The following PKIA variants were observed in gnomAD, a reference collection of about 807,000 sequenced individuals.
The protein encoded by PKIA is cAMP-dependent protein kinase inhibitor alpha.
Under a neutral mutation model 7.6 loss-of-function variants are expected in PKIA, and 4 were observed. The observed-to-expected ratio is 0.52, with a 90% confidence interval of 0.26 to 1.20. PKIA has a LOEUF of 1.20. Ranked by LOEUF, PKIA falls within the 50% of genes most tolerant of loss-of-function variation. The probability of loss-of-function intolerance (pLI) is 0.13; values close to 1 mark genes in which losing one functional copy is unlikely to be tolerated. For synonymous variants in PKIA, 21 were observed against 30.7 expected, an observed-to-expected ratio of 0.68 and a Z score of 1.04; for missense variants, 73 against 86.2, an observed-to-expected ratio of 0.85 and a Z score of 0.61.
chr8:78,529,738 C>A (rs1806348259), intron 1 of PKIA, among the ~76,000 whole-genome samples: 1 of 151,818 alleles, frequency 6.6e-6, no homozygotes, highest in Non-Finnish European at 1.5e-5. Context: ...TAGAAAATAA[C>A]ATATAATTTT....
At chr8:78,571,763 G>T (rs1486812278) in intron 1 of PKIA, among the ~76,000 whole-genome samples, 1 of 152,048 alleles carries the variant, frequency 6.6e-6, no homozygotes, top group East Asian at 1.9e-4. Context: ...CTCTGCTTCT[G>T]AGGGAAATCA....
At chr8:78,564,268 A>T (rs951293568) in intron 1 of PKIA, among the ~76,000 whole-genome samples, 1 of 152,012 alleles carries the variant, frequency 6.6e-6, no homozygotes, top group Non-Finnish European at 1.5e-5. Flanking sequence ...TTGGAAGCCC[A>T]TTTGTGGTTG....
At chr8:78,542,857 G>T (rs913531867) in intron 1 of PKIA, among the ~76,000 whole-genome samples, 2 of 151,976 alleles carry the variant, frequency 1.3e-5, no homozygotes, top group African/African-American at 4.8e-5. Context: ...TCTCCTTCCT[G>T]TCTCGTATCC....
rs1344162887 is a variant in PKIA at position 78,563,513 on chromosome 8, A to G, written c.-156-9298A>G. On this transcript the variant is annotated intron_variant, in intron 1 of 3. Coordinates refer to ENST00000396418, the MANE Select transcript of PKIA (RefSeq NM_006823.4). The stretch of plus-strand genomic sequence containing the variant: ...TACCAAGGTAGAAGATTATGAGGGT[A>G]TAAAAGCATAACAGTATTTTTGTCT... Among the ~76,000 whole-genome samples, 3 of 152,290 alleles carry G rather than the reference A, an allele frequency of 2.0e-5. No homozygotes were observed. In the East Asian group the frequency reaches 5.8e-4, roughly 29 times the overall value.
chr8:78,571,913 T>C (rs572229262), intron 1 of PKIA, among the ~76,000 whole-genome samples: 1 of 151,994 alleles, frequency 6.6e-6, no homozygotes, highest in Non-Finnish European at 1.5e-5. Context: ...TAGAAAAGAG[T>C]ATGACATTAA....
Position 78,524,000 on chromosome 8 carries a change from T to TTATATATATAAA in PKIA, c.-157+7540_-157+7541insTAAATATATATA, listed in dbSNP as rs371965418. 2.3e-4 allele frequency among the ~76,000 whole-genome samples: 21 copies of TTATATATATAAA among 92,166 alleles called. 3 individuals carry two copies. Among genetic ancestry groups the TTATATATATAAA allele is most frequent in the African/African-American group, 1.1e-3 (20 of 18,408 alleles). The allele number at this position is 92,166 out of a possible 152,430, so 60.5% of individuals were successfully genotyped here. ...TATATTTATAAATATATATAAACATTTATATATAAATATATATAAACGTTT... is the reference window on the plus strand; with the variant it reads ...TATATTTATAAATATATATAAACATTTATATATATAAATATATATAAATATATATAAACGTTT... On this transcript the variant is annotated intron_variant, in intron 1 of 3. Transcript: ENST00000396418.
At chr8:78,549,589 A>AT (rs1415273221) in intron 1 of PKIA, among the ~76,000 whole-genome samples, 1 of 151,962 alleles carries the variant, frequency 6.6e-6, no homozygotes, top group Non-Finnish European at 1.5e-5. Flanking sequence ...AAGACTGCCC[A>AT]TGAAGCCAAG....
At chr8:78,524,157 T>A in intron 1 of PKIA, among the ~76,000 whole-genome samples, 1 of 135,968 alleles carries the variant, frequency 7.4e-6, no homozygotes, top group East Asian at 2.0e-4. Flanking sequence ...TATTTATATA[T>A]AAATATATGT....
intron 1 of PKIA, among the ~76,000 whole-genome samples, chr8:78,521,512 GA>G (rs111297307): frequency 2.0e-5 from 3 of 147,486 alleles, no homozygotes; most frequent in East Asian, 2.0e-4. Flanking sequence ...CATTAGTCTG[GA>G]AAAAAAAACA....
intron 2 of PKIA, 127 bp downstream of exon 2, chr8:78,573,066 T>C (rs1807591167): frequency 6.6e-6 from 1 of 152,036 alleles, no homozygotes. Context: ...ACAATCCCCT[T>C]GGAGGTTGTG....
chr8:78,523,767 T>C (rs931114839), intron 1 of PKIA, among the ~76,000 whole-genome samples: 8 of 151,102 alleles, frequency 5.3e-5, no homozygotes, highest in African/African-American at 1.9e-4. Context: ...CTAGAAATAA[T>C]CTGTCAAAAT....
At chr8:78,534,733 T>C (rs895604424) in intron 1 of PKIA, 1 of 152,164 alleles carries the variant, frequency 6.6e-6, no homozygotes, top group African/African-American at 2.4e-5. Flanking sequence ...GGGAGTTAAG[T>C]AGCATTTGTA....
intron 1 of PKIA, among the ~76,000 whole-genome samples, chr8:78,519,869 C>T (rs190286838): frequency 1.3e-5 from 2 of 152,246 alleles, no homozygotes; most frequent in African/African-American, 2.4e-5. Context: ...TCTTACATGT[C>T]GAAACCTTGT....
chr8:78,528,773 C>G (rs1806314264), intron 1 of PKIA, among the ~76,000 whole-genome samples: 1 of 151,388 alleles, frequency 6.6e-6, no homozygotes, highest in African/African-American at 2.4e-5. Context: ...TAGAGAACAG[C>G]TGGTACTGTA....
At chr8:78,520,871 C>T (rs1809403230) in intron 1 of PKIA, among the ~76,000 whole-genome samples, 1 of 152,072 alleles carries the variant, frequency 6.6e-6, no homozygotes, top group Non-Finnish European at 1.5e-5. Context: ...TATGTGTGTC[C>T]TTTATTAGCC....
intron 2 of PKIA, among the ~76,000 whole-genome samples, chr8:78,597,441 A>T (rs1808251510): frequency 6.6e-6 from 1 of 152,162 alleles, no homozygotes; most frequent in African/African-American, 2.4e-5. Flanking sequence ...CTATTTGATC[A>T]CTGAAAATAT....
rs1809312465 is a variant in PKIA at position 78,516,367 on chromosome 8, G to GGGCGCGGGCC, written c.-251_-242dup. 1 of 152,550 alleles carries GGGCGCGGGCC rather than the reference G, an allele frequency of 6.6e-6. No individual in the cohort carries two copies. The highest frequency in any genetic ancestry group is 1.5e-5 in the Non-Finnish European group (1 of 68,374). The allele number at this position is 152,550 out of a possible 1,614,324, so 9.4% of individuals were successfully genotyped here. A position where few individuals can be genotyped will look rare whatever the true frequency, so the allele number is the denominator to read the frequency against. On this transcript the variant is annotated 5_prime_UTR_variant, in exon 1 of 4. Transcript: ENST00000396418. ...GAGCGGAGGCTGCTGCTGGCAGGTGGGGCGCGGGCCGGCGCGAGCTGACCG... is the reference window on the plus strand; with the variant it reads ...GAGCGGAGGCTGCTGCTGGCAGGTGGGGCGCGGGCCGGCGCGGGCCGGCGCGAGCTGACCG...
At chr8:78,598,937 T>C (rs1182812077) in intron 3 of PKIA, among the ~76,000 whole-genome samples, 1 of 152,110 alleles carries the variant, frequency 6.6e-6, no homozygotes, top group East Asian at 1.9e-4. Context: ...CAGGTAATTC[T>C]GATAGACTTC....
rs1305786447 is a variant in PKIA, at chr8:78,601,862, A to G, written c.*41A>G. On this transcript the variant is annotated 3_prime_UTR_variant, in exon 4 of 4. Coordinates refer to ENST00000396418, the MANE Select transcript of PKIA (RefSeq NM_006823.4). ...CTCGACCACACCTGAAAATGTCTCA[A>G]ATCTCCAGGAGTATCTGGAATGCAT... 12 of 1,427,396 alleles carry G rather than the reference A, an allele frequency of 8.4e-6. No individual in the cohort carries two copies. The highest frequency in any genetic ancestry group is 1.7e-5 in the Admixed American group (1 of 58,810). 88.4% of individuals were successfully genotyped at this position (1,427,396 alleles called of 1,614,324 possible).
Sources: allele counts gnomAD v4.1 joint callset (sites outside exome capture counted in the v4.1 genomes callset), GRCh38; gene constraint gnomAD v4.1.1; transcripts MANE v1.5; gene names NCBI Gene and HGNC (gene_info 2026-07-23, HGNC 2026-07-21).